Variants in AGBL4 observed in about 807,000 individuals in gnomAD.
AGBL4 encodes AGBL carboxypeptidase 4.
In AGBL4, 58 loss-of-function variants were observed where a neutral mutation model predicts 66.4. That is an observed-to-expected ratio of 0.87 (90% CI 0.71 to 1.09). The LOEUF (loss-of-function observed/expected upper bound fraction) is 1.09. Among genes scored for constraint, AGBL4 ranks in the 50% least tolerant of loss-of-function variants. AGBL4 has a pLI of 0.00. For missense variants in AGBL4, 579 were observed against 631.0 expected, an observed-to-expected ratio of 0.92 and a Z score of 0.88; for synonymous variants, 234 against 222.9, an observed-to-expected ratio of 1.05 and a Z score of -0.44.
chr1:49,889,988 T>G (rs1191470462), intron 1 of AGBL4, among the ~76,000 whole-genome samples: 1 of 152,208 alleles, frequency 6.6e-6, no homozygotes, highest in African/African-American at 2.4e-5. Context: ...AGGTGAAAAT[T>G]ACACGTATTG....
intron 6 of AGBL4, among the ~76,000 whole-genome samples, chr1:48,807,907 C>A (rs925971196): frequency 3.3e-5 from 5 of 152,096 alleles, no homozygotes; most frequent in Admixed American, 6.6e-5. Context: ...AAAACTGCAT[C>A]ATCTTAATCT....
intron 4 of AGBL4, among the ~76,000 whole-genome samples, chr1:49,058,230 C>G (rs1465768792): frequency 2.0e-5 from 3 of 152,154 alleles, no homozygotes; most frequent in Non-Finnish European, 4.4e-5. Context: ...TGTGTCCCCA[C>G]CCAAATTTCA....
chr1:49,496,113 T>G (rs906169455), intron 3 of AGBL4, among the ~76,000 whole-genome samples: 8 of 151,916 alleles, frequency 5.3e-5, no homozygotes, highest in African/African-American at 1.9e-4. Flanking sequence ...TCCAATGAGA[T>G]CCTTAAGATA....
At chr1:49,163,517 T>C (rs561090187) in intron 4 of AGBL4, among the ~76,000 whole-genome samples, 1 of 152,358 alleles carries the variant, frequency 6.6e-6, no homozygotes, top group East Asian at 1.9e-4. Flanking sequence ...AGCGTATGTT[T>C]ACAAATATCT....
At chr1:48,746,588 C>T (rs1041382814) in intron 6 of AGBL4, among the ~76,000 whole-genome samples, 9 of 152,222 alleles carry the variant, frequency 5.9e-5, no homozygotes, top group East Asian at 1.9e-4. Context: ...GAAAGCTCTC[C>T]GCAACAGCCT....
At position 49,916,341 on chromosome 1, in the gene AGBL4, G is replaced by C. The variant is rs527300289; in HGVS notation, c.35-64823C>G. Among the ~76,000 whole-genome samples, 14 of 152,224 alleles carry C rather than the reference G, an allele frequency of 9.2e-5. No homozygotes were observed. In the South Asian group the frequency reaches 1.7e-3, roughly 18 times the overall value. On this transcript the variant is annotated intron_variant, in intron 1 of 13. Transcript: ENST00000371839. ...AAAGAAGCTAAAAACCTTGAAAAAAGATTAGATGAATGACTAACTACAATA... is the reference window on the plus strand; with the variant it reads ...AAAGAAGCTAAAAACCTTGAAAAAACATTAGATGAATGACTAACTACAATA...
rs1647885354 is a variant in AGBL4 at position 49,714,052 on chromosome 1, T to A, written c.158-16615A>T. On this transcript the variant is annotated intron_variant, in intron 2 of 13. Transcript: ENST00000371839. ...ATTAACTTAATATATTTAAATATCA[T>A]GACTATGCCAAGACGTAGACTGTGT... Among the ~76,000 whole-genome samples, 3 of 152,046 alleles carry A rather than the reference T, an allele frequency of 2.0e-5. No homozygotes were observed. The South Asian group carries it at 6.2e-4, about 31-fold the overall frequency.
chr1:48,956,457 T>C (rs1024818311), intron 5 of AGBL4, among the ~76,000 whole-genome samples: 13 of 152,234 alleles, frequency 8.5e-5, no homozygotes, highest in African/African-American at 1.9e-4. Flanking sequence ...CATTTTCTTA[T>C]AGAAATATTT....
intron 3 of AGBL4, among the ~76,000 whole-genome samples, chr1:49,553,083 A>G (rs1385746673): frequency 6.6e-6 from 1 of 152,228 alleles, no homozygotes; most frequent in East Asian, 1.9e-4. Context: ...GAGGAAAGAA[A>G]AAAATATATT....
chr1:49,437,126 T>G (rs916586743), intron 3 of AGBL4, among the ~76,000 whole-genome samples: 1 of 151,846 alleles, frequency 6.6e-6, no homozygotes, highest in Non-Finnish European at 1.5e-5. Flanking sequence ...CATGGGAGAG[T>G]TGGAGTTGAG....
intron 4 of AGBL4, among the ~76,000 whole-genome samples, chr1:49,116,936 CA>C (rs1324551630): frequency 6.6e-6 from 1 of 152,162 alleles, no homozygotes. Flanking sequence ...GATGAAATCT[CA>C]TTGTGGTTTT....
At chr1:49,505,007 T>C (rs1558003526) in intron 3 of AGBL4, among the ~76,000 whole-genome samples, 1 of 152,060 alleles carries the variant, frequency 6.6e-6, no homozygotes, top group Non-Finnish European at 1.5e-5. Flanking sequence ...ATCTTTTGTG[T>C]ACCTACTATA....
intron 1 of AGBL4, among the ~76,000 whole-genome samples, chr1:49,870,728 G>A (rs1646818124): frequency 6.6e-6 from 1 of 151,776 alleles, no homozygotes; most frequent in African/African-American, 2.4e-5. Flanking sequence ...CTAAGCACAT[G>A]AAAAGATATT....
chr1:49,160,366 C>G (rs1384373331), intron 4 of AGBL4, among the ~76,000 whole-genome samples: 1 of 152,152 alleles, frequency 6.6e-6, no homozygotes, highest in Non-Finnish European at 1.5e-5. Context: ...ACTCCAGACC[C>G]TATTTGCCTG....
intron 2 of AGBL4, among the ~76,000 whole-genome samples, chr1:49,722,795 T>C (rs1648711775): frequency 6.6e-6 from 1 of 152,102 alleles, no homozygotes; most frequent in African/African-American, 2.4e-5. Flanking sequence ...TACATTAACT[T>C]CTCTCCGTTT....
At chr1:49,276,918 G>T (rs1644179549) in intron 3 of AGBL4, among the ~76,000 whole-genome samples, 1 of 152,046 alleles carries the variant, frequency 6.6e-6, no homozygotes, top group South Asian at 2.1e-4. Flanking sequence ...GTGTGTTGAT[G>T]TTTCAGCTAA....
chr1:49,609,927 A>G (rs1003640772), intron 3 of AGBL4, among the ~76,000 whole-genome samples: 1 of 152,200 alleles, frequency 6.6e-6, no homozygotes, highest in Non-Finnish European at 1.5e-5. Context: ...CTAAAAATAT[A>G]TACACAACTT....
chr1:49,280,692 C>T (rs756891990), intron 3 of AGBL4, among the ~76,000 whole-genome samples: 6 of 152,190 alleles, frequency 3.9e-5, no homozygotes, highest in South Asian at 2.1e-4. Flanking sequence ...GTGAAAAAGG[C>T]AGCTCTAGAT....
chr1:49,794,017 T>G (rs1490660161), intron 2 of AGBL4, among the ~76,000 whole-genome samples: 1 of 151,934 alleles, frequency 6.6e-6, no homozygotes, highest in Non-Finnish European at 1.5e-5. Flanking sequence ...TTTAGCCACA[T>G]GATGATCACT....
Sources: gnomAD v4.1 joint callset for allele counts (sites outside exome capture counted in the v4.1 genomes callset) on GRCh38, gnomAD v4.1.1 for gene constraint, MANE v1.5 for transcripts, NCBI Gene and HGNC (gene_info 2026-07-23, HGNC 2026-07-21) for gene names.